PARD3: variants seen among roughly 807,000 people sequenced by gnomAD.
The protein encoded by PARD3 is partitioning defective 3 homolog.
In PARD3, 75 loss-of-function variants were observed where a neutral mutation model predicts 155.4. The ratio of observed to expected loss-of-function variants is 0.48; its 90% confidence interval spans 0.40 to 0.58. The LOEUF is 0.58. PARD3 is among the 20% of genes least tolerant of loss of function. PARD3 has a pLI of 0.00. For missense variants in PARD3, 1,642 were observed against 1,721.7 expected, an observed-to-expected ratio of 0.95 and a Z score of 0.82; for synonymous variants, 576 against 610.5, an observed-to-expected ratio of 0.94 and a Z score of 0.83.
chr10:34,309,612 AAG>A (rs1046889921), intron 20 of PARD3, among the ~76,000 whole-genome samples: 1 of 150,396 alleles, frequency 6.6e-6, no homozygotes, highest in African/African-American at 2.4e-5. Flanking sequence ...ATGGATTTAG[AAG>A]AGAGAAGAAA....
intron 3 of PARD3, among the ~76,000 whole-genome samples, chr10:34,509,211 T>C (rs1257527601): frequency 6.6e-6 from 1 of 152,144 alleles, no homozygotes; most frequent in African/African-American, 2.4e-5. Flanking sequence ...TAGTAACCAG[T>C]TTCCTTCAGA....
At chr10:34,759,632 T>C (rs1433603415) in intron 1 of PARD3, among the ~76,000 whole-genome samples, 1 of 152,230 alleles carries the variant, frequency 6.6e-6, no homozygotes, top group East Asian at 1.9e-4. Flanking sequence ...AGGGACAATT[T>C]GAGGCAGCCA....
At chr10:34,507,146 C>A (rs2081120460) in intron 3 of PARD3, among the ~76,000 whole-genome samples, 1 of 152,124 alleles carries the variant, frequency 6.6e-6, no homozygotes, top group Non-Finnish European at 1.5e-5. Context: ...TTTTTAAATG[C>A]CAATACAGCT....
intron 24 of PARD3, 77 bp from the exon 25 acceptor site, chr10:34,111,639 G>T: frequency 1.7e-6 from 2 of 1,176,138 alleles, no homozygotes; most frequent in Non-Finnish European, 2.4e-6. Context: ...AGGATGGGAT[G>T]GAATATGCAT....
At chr10:34,557,449 C>G (rs1009366659) in intron 2 of PARD3, among the ~76,000 whole-genome samples, 1 of 151,992 alleles carries the variant, frequency 6.6e-6, no homozygotes, top group African/African-American at 2.4e-5. Context: ...CCAGCCTGGG[C>G]AACACAGAGA....
At chr10:34,664,231 C>G (rs2093396635) in intron 2 of PARD3, 1 of 152,244 alleles carries the variant, frequency 6.6e-6, no homozygotes, top group African/African-American at 2.4e-5. Flanking sequence ...GAGACAGAGT[C>G]TCGAACTGTT....
chr10:34,157,205 A>G (rs1012117400), intron 22 of PARD3, among the ~76,000 whole-genome samples: 5 of 152,236 alleles, frequency 3.3e-5, no homozygotes, highest in African/African-American at 7.2e-5. Flanking sequence ...GGCTTGGACA[A>G]GGCAAGGTTC....
intron 1 of PARD3, among the ~76,000 whole-genome samples, chr10:34,749,723 C>T (rs1017654287): frequency 5.3e-5 from 8 of 151,930 alleles, no homozygotes; most frequent in Admixed American, 3.3e-4. Flanking sequence ...CAGTTCCCTC[C>T]TAAAATAATA....
chr10:34,183,736 G>A (rs550568800), intron 22 of PARD3, among the ~76,000 whole-genome samples: 7 of 152,280 alleles, frequency 4.6e-5, no homozygotes, highest in Admixed American at 2.0e-4. Context: ...CTTTTCTGCC[G>A]CACACTGGGT....
intron 1 of PARD3, 57 bp downstream of exon 1, chr10:34,814,819 G>C: frequency 7.7e-7 from 1 of 1,294,906 alleles, no homozygotes; most frequent in Non-Finnish European, 1.1e-6. Flanking sequence ...GCGCCATATT[G>C]ATCCCGGCGC....
At chr10:34,505,753 G>A (rs2133481624) in intron 3 of PARD3, among the ~76,000 whole-genome samples, 1 of 152,314 alleles carries the variant, frequency 6.6e-6, no homozygotes, top group South Asian at 2.1e-4. Flanking sequence ...TATTACATAT[G>A]TGTAATGATT....
chr10:34,537,305 CTT>C (rs745355489), intron 2 of PARD3, among the ~76,000 whole-genome samples: 119 of 152,310 alleles, frequency 7.8e-4, no homozygotes, highest in Non-Finnish European at 1.3e-3. Flanking sequence ...CGTATTCTAA[CTT>C]TTTGATTCCT....
chr10:34,766,514 G>T (rs1007288388), intron 1 of PARD3, among the ~76,000 whole-genome samples: 3 of 150,502 alleles, frequency 2.0e-5, no homozygotes, highest in Non-Finnish European at 2.9e-5. Context: ...AACTCCTGAG[G>T]CAAAAGTTAA....
intron 22 of PARD3, among the ~76,000 whole-genome samples, chr10:34,178,497 T>C (rs1407378240): frequency 1.3e-5 from 2 of 152,190 alleles, no homozygotes; most frequent in Non-Finnish European, 2.9e-5. Context: ...GGACAGCATG[T>C]TTCACAAACA....
chr10:34,802,055 T>C (rs1214929649), intron 1 of PARD3, among the ~76,000 whole-genome samples: 1 of 152,200 alleles, frequency 6.6e-6, no homozygotes, highest in Non-Finnish European at 1.5e-5. Flanking sequence ...TAATGTACTT[T>C]AAATACAGCA....
intron 2 of PARD3, among the ~76,000 whole-genome samples, chr10:34,686,132 C>A (rs1324692953): frequency 6.6e-6 from 1 of 152,058 alleles, no homozygotes; most frequent in African/African-American, 2.4e-5. Flanking sequence ...ACTTGAATTC[C>A]TTAAGTGTGA....
At chr10:34,562,398 C>G (rs1287305261) in intron 2 of PARD3, among the ~76,000 whole-genome samples, 1 of 152,066 alleles carries the variant, frequency 6.6e-6, no homozygotes, top group Non-Finnish European at 1.5e-5. Context: ...GATCACACAA[C>G]TGCACTCCAG....
At chr10:34,512,000 G>C (rs1334491134) in intron 3 of PARD3, among the ~76,000 whole-genome samples, 1 of 152,064 alleles carries the variant, frequency 6.6e-6, no homozygotes, top group Non-Finnish European at 1.5e-5. Flanking sequence ...TTTATGACCT[G>C]AACACCTCCC....
intron 7 of PARD3, among the ~76,000 whole-genome samples, chr10:34,398,483 A>G (rs1271788393): frequency 3.3e-5 from 5 of 152,340 alleles, no homozygotes; most frequent in African/African-American, 4.8e-5. Context: ...GATAGCAATA[A>G]AAGAAATAAG....
Sources: allele counts gnomAD v4.1 joint callset (sites outside exome capture counted in the v4.1 genomes callset), GRCh38; gene constraint gnomAD v4.1.1; transcripts MANE v1.5; gene names NCBI Gene and HGNC (gene_info 2026-07-23, HGNC 2026-07-21).